SDK1: variants seen among roughly 807,000 people sequenced by gnomAD.
SDK1 encodes protein sidekick-1.
SDK1 carries 157 observed loss-of-function variants against 245.5 expected under a neutral mutation model. That is an observed-to-expected ratio of 0.64 (90% CI 0.56 to 0.73). The LOEUF is 0.73. Ranked by LOEUF, SDK1 falls within the 30% of genes least tolerant of loss-of-function variation. SDK1 has a pLI of 0.00. For missense variants in SDK1, 3,583 were observed against 3,002.3 expected, an observed-to-expected ratio of 1.19 and a Z score of -4.52; for synonymous variants, 1,647 against 1,278.5, an observed-to-expected ratio of 1.29 and a Z score of -6.15.
Position 4,262,585 on chromosome 7 carries a change from C to T in SDK1, c.6382-2539C>T, listed in dbSNP as rs556476837. On this transcript the variant is annotated intron_variant, in intron 44 of 44. Transcript: ENST00000404826. ...CTGGCCGGGGAGACATATTAGACAC[C>T]CTGGCTTATTCAGGCAGCTTCATTT... is the stretch of plus-strand genomic sequence containing the variant. Among the ~76,000 whole-genome samples, 9 of 151,762 alleles carry T rather than the reference C, an allele frequency of 5.9e-5. No homozygotes were observed. The East Asian group carries it at 1.4e-3, about 23-fold the overall frequency.
intron 1 of SDK1, among the ~76,000 whole-genome samples, chr7:3,479,660 G>T (rs1192586378): frequency 6.6e-6 from 1 of 151,712 alleles, no homozygotes; most frequent in Non-Finnish European, 1.5e-5. Flanking sequence ...TCAGGAGTTC[G>T]AGACCAGCCT....
chr7:4,032,414 A>G (rs997801065), intron 17 of SDK1, among the ~76,000 whole-genome samples: 1 of 152,222 alleles, frequency 6.6e-6, no homozygotes, highest in Non-Finnish European at 1.5e-5. Flanking sequence ...GGGAAACCCT[A>G]CAGGCATTCC....
chr7:4,160,268 C>T (rs1781028071), intron 31 of SDK1, among the ~76,000 whole-genome samples: 1 of 152,184 alleles, frequency 6.6e-6, no homozygotes, highest in African/African-American at 2.4e-5. Flanking sequence ...GAACAAAACC[C>T]CACACAAGCT....
intron 2 of SDK1, 59 bp from the exon 3 acceptor site, chr7:3,638,945 T>G: frequency 1.0e-6 from 1 of 990,908 alleles, no homozygotes. Context: ...ATCTGATGGT[T>G]AGATATAACC....
At chr7:3,463,118 T>G (rs1780884282) in intron 1 of SDK1, among the ~76,000 whole-genome samples, 1 of 152,164 alleles carries the variant, frequency 6.6e-6, no homozygotes, top group Non-Finnish European at 1.5e-5. Context: ...ATCCTGTGCT[T>G]TAGATCTTAA....
chr7:3,326,791 C>T (rs551890305), intron 1 of SDK1, among the ~76,000 whole-genome samples: 1 of 152,144 alleles, frequency 6.6e-6, no homozygotes, highest in African/African-American at 2.4e-5. Context: ...CATCTACATC[C>T]CACCTGTTTT....
rs1308679535 is a variant in SDK1, at chr7:3,662,064, T to TG, written c.713+19961dup. On this transcript the variant is annotated intron_variant, in intron 4 of 44. Transcript: ENST00000404826. ...GTATTTTTTTTTTTTTTTTTTTTTT[T>TG]GGTGTTCCCTTCAAGGAAATCTTGC... 6.9e-5 allele frequency among the ~76,000 whole-genome samples: 8 copies of TG among 115,748 alleles called. No individual in the cohort carries two copies. The Admixed American group carries it at 7.6e-4, about 11-fold the overall frequency. The allele number at this position is 115,748 out of a possible 152,430, so 75.9% of individuals were successfully genotyped here.
At chr7:3,394,611 A>G (rs951520117) in intron 1 of SDK1, among the ~76,000 whole-genome samples, 18 of 148,706 alleles carry the variant, frequency 1.2e-4, no homozygotes, top group African/African-American at 4.6e-4. Flanking sequence ...CAATTTGGGG[A>G]GAATTGCCAT....
intron 40 of SDK1, among the ~76,000 whole-genome samples, chr7:4,230,329 G>A (rs1470780289): frequency 6.8e-6 from 1 of 147,526 alleles, no homozygotes; most frequent in African/African-American, 2.5e-5. Context: ...TGAATGGATG[G>A]ATGGATGAAT....
chr7:3,444,132 A>G (rs974730094), intron 1 of SDK1, among the ~76,000 whole-genome samples: 36 of 152,158 alleles, frequency 2.4e-4, no homozygotes, highest in African/African-American at 8.0e-4. Context: ...TTTCCCTGGA[A>G]AGGGCGGGTT....
At chr7:3,319,459 G>C (rs1015317281) in intron 1 of SDK1, among the ~76,000 whole-genome samples, 3 of 152,158 alleles carry the variant, frequency 2.0e-5, no homozygotes, top group African/African-American at 7.2e-5. Flanking sequence ...CCCATGGCTG[G>C]TGTGGCCTAA....
intron 1 of SDK1, among the ~76,000 whole-genome samples, chr7:3,392,592 A>C (rs996292124): frequency 6.6e-6 from 1 of 152,136 alleles, no homozygotes; most frequent in African/African-American, 2.4e-5. Flanking sequence ...AGAAACTGCA[A>C]CTTCTAAGCA....
intron 28 of SDK1, among the ~76,000 whole-genome samples, chr7:4,140,140 G>A (rs945312541): frequency 9.2e-5 from 14 of 152,266 alleles, no homozygotes; most frequent in Non-Finnish European, 1.9e-4. Context: ...AGACAGTGGC[G>A]CTGCTCCTGC....
chr7:4,190,435 T>C (rs539123854), intron 35 of SDK1, among the ~76,000 whole-genome samples: 41 of 152,316 alleles, frequency 2.7e-4, no homozygotes, highest in Middle Eastern at 6.8e-3. Flanking sequence ...GTTTCACAGA[T>C]GAGAGTGATG....
intron 22 of SDK1, among the ~76,000 whole-genome samples, chr7:4,100,588 C>T (rs185823578): frequency 6.6e-6 from 1 of 152,280 alleles, no homozygotes; most frequent in East Asian, 1.9e-4. Flanking sequence ...TCTCCTTCCA[C>T]CACGTGAGGA....
At chr7:3,787,350 A>G (rs1284534752) in intron 4 of SDK1, among the ~76,000 whole-genome samples, 2 of 152,220 alleles carry the variant, frequency 1.3e-5, no homozygotes, top group Non-Finnish European at 2.9e-5. Flanking sequence ...CACAAAGAAA[A>G]TAGTTACTTC....
intron 20 of SDK1, among the ~76,000 whole-genome samples, chr7:4,074,005 T>A (rs1208052773): frequency 6.6e-6 from 1 of 151,946 alleles, no homozygotes; most frequent in Admixed American, 6.5e-5. Context: ...ACATCGCCTA[T>A]TGGTTGTTGG....
chr7:3,820,966 G>A (rs1257067155), intron 4 of SDK1, among the ~76,000 whole-genome samples: 6 of 152,228 alleles, frequency 3.9e-5, no homozygotes, highest in African/African-American at 4.8e-5. Context: ...GCCCATTGGC[G>A]ACTTTCCTTC....
rs544978288 is a variant in SDK1, at chr7:3,977,711, C to T, written c.1994+3166C>T. On this transcript the variant is annotated intron_variant, in intron 13 of 44. Transcript: ENST00000404826. The stretch of plus-strand genomic sequence containing the variant: ...CTGATCCTCCTGGTAGCACTGATCA[C>T]GCTGCAGAGGACGACCATATCTTCA... Among the ~76,000 whole-genome samples the T allele has an allele frequency of 1.5e-3, 229 of 152,344 alleles. 3 individuals carry two copies. Among genetic ancestry groups the T allele is most frequent in the South Asian group, 2.1e-3 (10 of 4,834 alleles).
Sources: allele counts gnomAD v4.1 joint callset (sites outside exome capture counted in the v4.1 genomes callset), GRCh38; gene constraint gnomAD v4.1.1; transcripts MANE v1.5; gene names NCBI Gene and HGNC (gene_info 2026-07-23, HGNC 2026-07-21).